Variants in ATOSA observed in about 807,000 individuals in gnomAD.
ATOSA encodes atos homolog A.
chr15:52,589,127 T>C, the ATOSA span, among the ~76,000 whole-genome samples: 1 of 152,348 alleles, frequency 6.6e-6, no homozygotes. Flanking sequence ...CATATGGTTA[T>C]TTAAAGCATG....
chr15:52,604,085 C>T, the ATOSA span, among the ~76,000 whole-genome samples: 10 of 152,200 alleles, frequency 6.6e-5, no homozygotes, highest in East Asian at 1.9e-4. Context: ...AAACATCACA[C>T]GTACCCTGTA....
At chr15:52,703,095 T>C in the ATOSA span, among the ~76,000 whole-genome samples, 7 of 152,190 alleles carry the variant, frequency 4.6e-5, no homozygotes, top group African/African-American at 1.7e-4. Flanking sequence ...CAGGGTCTGA[T>C]ACACATAACA....
chr15:52,694,473 A>G, the ATOSA span, among the ~76,000 whole-genome samples: 1 of 151,984 alleles, frequency 6.6e-6, no homozygotes, highest in African/African-American at 2.4e-5. Flanking sequence ...CCTGCTGAGT[A>G]TATTTTAATA....
chr15:52,583,928 C>G, the ATOSA span, among the ~76,000 whole-genome samples: 78 of 151,692 alleles, frequency 5.1e-4, 1 homozygote, highest in South Asian at 0.015. Context: ...CTTGAGTGTA[C>G]AGCTCACTGC....
At chr15:52,697,880 C>A in the ATOSA span, among the ~76,000 whole-genome samples, 479 of 146,708 alleles carry the variant, frequency 3.3e-3, 3 homozygotes, top group African/African-American at 0.011. Flanking sequence ...TTAAAAATCA[C>A]AAGAAACCAC....
At chr15:52,587,988 A>G in the ATOSA span, among the ~76,000 whole-genome samples, 2 of 152,208 alleles carry the variant, frequency 1.3e-5, no homozygotes, top group Admixed American at 6.5e-5. Context: ...CTAAATCAGA[A>G]CACAATGGAT....
chr15:52,642,293 G>A, the ATOSA span, among the ~76,000 whole-genome samples: 1 of 152,102 alleles, frequency 6.6e-6, no homozygotes, highest in Non-Finnish European at 1.5e-5. Context: ...TATGAAAATT[G>A]CTGCACTAGA....
At chr15:52,683,794 A>G in the ATOSA span, among the ~76,000 whole-genome samples, 1 of 152,190 alleles carries the variant, frequency 6.6e-6, no homozygotes, top group South Asian at 2.1e-4. Flanking sequence ...ACTATCTGTT[A>G]CTGGTCTCTT....
the ATOSA span, among the ~76,000 whole-genome samples, chr15:52,640,122 T>C: frequency 6.6e-6 from 1 of 152,096 alleles, no homozygotes. Flanking sequence ...TTAAGATACT[T>C]GCGCAAAGCC....
the ATOSA span, chr15:52,613,931 T>C: frequency 8.6e-7 from 1 of 1,160,112 alleles, no homozygotes; most frequent in Non-Finnish European, 1.3e-6. Context: ...CTGCCTAAAA[T>C]AACTAATGTC....
At chr15:52,587,089 G>C in the ATOSA span, 1 of 1,602,666 alleles carries the variant, frequency 6.2e-7, no homozygotes, top group Admixed American at 1.7e-5. Flanking sequence ...CAGGAGAAAG[G>C]GCTAAGTTCT....
chr15:52,614,225 C>T, the ATOSA span, among the ~76,000 whole-genome samples: 2 of 152,198 alleles, frequency 1.3e-5, no homozygotes, highest in East Asian at 3.9e-4. Flanking sequence ...CCTGCCTCAG[C>T]CTCCCAAGTA....
chr15:52,586,522 G>A, the ATOSA span: 85,781 of 152,040 alleles, frequency 0.56, 27,633 homozygotes, highest in Non-Finnish European at 0.72. Flanking sequence ...GCAGGATTAC[G>A]CTGGGTCAGA....
chr15:52,706,991 A>G, the ATOSA span, among the ~76,000 whole-genome samples: 1 of 152,182 alleles, frequency 6.6e-6, no homozygotes, highest in Non-Finnish European at 1.5e-5. Context: ...AACTCTGACT[A>G]TACTAAAAAC....
At chr15:52,612,102 A>C in the ATOSA span, among the ~76,000 whole-genome samples, 21 of 152,192 alleles carry the variant, frequency 1.4e-4, no homozygotes, top group African/African-American at 4.3e-4. Flanking sequence ...CTCCTGCCTC[A>C]GCCTCTCAAG....
chr15:52,647,029 T>G, the ATOSA span, among the ~76,000 whole-genome samples: 13 of 152,334 alleles, frequency 8.5e-5, no homozygotes, highest in African/African-American at 3.1e-4. Context: ...TTAGGATACC[T>G]ATTTTTAAAA....
the ATOSA span, among the ~76,000 whole-genome samples, chr15:52,671,901 G>A: frequency 6.6e-6 from 1 of 151,576 alleles, no homozygotes; most frequent in Non-Finnish European, 1.5e-5. Flanking sequence ...GGGAAGAGAT[G>A]AGTATCTTTT....
chr15:52,672,302 T>C, the ATOSA span, among the ~76,000 whole-genome samples: 86 of 151,910 alleles, frequency 5.7e-4, no homozygotes, highest in Middle Eastern at 3.4e-3. Flanking sequence ...TGAATTATGA[T>C]TGCATCACTG....
the ATOSA span, chr15:52,611,709 C>T: frequency 6.2e-7 from 1 of 1,614,022 alleles, no homozygotes; most frequent in East Asian, 2.2e-5. Context: ...GCATCATTTC[C>T]ACCATGATTG....
Sources: allele counts gnomAD v4.1 joint callset (sites outside exome capture counted in the v4.1 genomes callset), GRCh38; gene constraint gnomAD v4.1.1; transcripts MANE v1.5; gene names NCBI Gene and HGNC (gene_info 2026-07-23, HGNC 2026-07-21).